The following CCDC171 variants were observed in gnomAD, a reference collection of about 807,000 sequenced individuals.
The protein encoded by CCDC171 is coiled-coil domain-containing protein 171.
Under a neutral mutation model 168.2 loss-of-function variants are expected in CCDC171, and 177 were observed. The observed-to-expected ratio is 1.05, with a 90% confidence interval of 0.93 to 1.19. The LOEUF is 1.19. Among genes scored for constraint, CCDC171 ranks in the 50% most tolerant of loss-of-function variants. The pLI is 0.00. For missense variants in CCDC171, 1,991 were observed against 1,539.0 expected, an observed-to-expected ratio of 1.29 and a Z score of -4.91; for synonymous variants, 687 against 540.8, an observed-to-expected ratio of 1.27 and a Z score of -3.75.
In CCDC171 at chr9:15,607,566, A is replaced by G. The variant is rs190663839; in HGVS notation, c.675+13394A>G. On this transcript the variant is annotated intron_variant, in intron 6 of 25. Transcript: ENST00000380701. Reference sequence around the variant, plus strand: ...AACCTCTGCCTCCTGGGCTCAAGCAATCCTCCCACCTCAGCCTCCTGAGTA... The same window carrying G: ...AACCTCTGCCTCCTGGGCTCAAGCAGTCCTCCCACCTCAGCCTCCTGAGTA... 3.0e-4 allele frequency among the ~76,000 whole-genome samples: 45 copies of G among 152,070 alleles called. No homozygotes were observed. The East Asian group carries it at 6.0e-3, about 20-fold the overall frequency.
At chr9:15,977,957 T>G (rs1463290326), downstream of CCDC171, among the ~76,000 whole-genome samples, 1 of 152,200 alleles carries the variant, frequency 6.6e-6, no homozygotes, top group Non-Finnish European at 1.5e-5. Flanking sequence ...ACAGGCTATA[T>G]AATAGGACAT....
At chr9:15,907,665 A>C (rs1407414489) in intron 24 of CCDC171, among the ~76,000 whole-genome samples, 3 of 152,368 alleles carry the variant, frequency 2.0e-5, no homozygotes, top group Admixed American at 6.5e-5. Flanking sequence ...GATGGGATCT[A>C]ATTAAACTGA....
chr9:15,687,588 A>T (rs1024378557), intron 10 of CCDC171, among the ~76,000 whole-genome samples: 1 of 152,222 alleles, frequency 6.6e-6, no homozygotes, highest in East Asian at 1.9e-4. Context: ...GAAATCAGTG[A>T]AACCAAAAGT....
At chr9:15,780,067 A>G (rs769666756) in intron 20 of CCDC171, among the ~76,000 whole-genome samples, 1 of 152,228 alleles carries the variant, frequency 6.6e-6, no homozygotes, top group Admixed American at 6.5e-5. Flanking sequence ...TAACATTTGC[A>G]GTAACAGAGG....
At chr9:15,905,538 T>A (rs4666822) in intron 24 of CCDC171, among the ~76,000 whole-genome samples, 45,844 of 151,372 alleles carry the variant, frequency 0.3, 7,116 homozygotes, top group African/African-American at 0.35. Context: ...TAGAGGGAAG[T>A]TTATAGCATT....
intron 21 of CCDC171, among the ~76,000 whole-genome samples, chr9:15,838,527 T>G (rs2060544590): frequency 6.6e-6 from 1 of 152,218 alleles, no homozygotes; most frequent in African/African-American, 2.4e-5. Flanking sequence ...AAAGAACCCT[T>G]TCTTTAAAAA....
intron 6 of CCDC171, among the ~76,000 whole-genome samples, chr9:15,615,512 G>C (rs1434447236): frequency 6.6e-6 from 1 of 152,090 alleles, no homozygotes; most frequent in East Asian, 1.9e-4. Flanking sequence ...TCTAAATCTT[G>C]AAATACTCTT....
intron 25 of CCDC171, among the ~76,000 whole-genome samples, chr9:15,952,115 A>T (rs1829257788): frequency 6.6e-6 from 1 of 152,150 alleles, no homozygotes; most frequent in Non-Finnish European, 1.5e-5. Flanking sequence ...CAGTTCTCCT[A>T]GCACTGTTTG....
chr9:15,667,790 T>C (rs1312487592), intron 9 of CCDC171, among the ~76,000 whole-genome samples: 1 of 152,224 alleles, frequency 6.6e-6, no homozygotes, highest in Non-Finnish European at 1.5e-5. Context: ...ACTCTTAAAC[T>C]GTTTGTTTCT....
rs570806710 is a variant in CCDC171, at chr9:16,007,032, G to T, written n.369-13557G>T. Among the ~76,000 whole-genome samples the T allele has an allele frequency of 1.7e-3, 262 of 152,264 alleles. 3 individuals carry two copies. The highest frequency in any genetic ancestry group is 6.1e-3 in the African/African-American group (255 of 41,540). ...ACTGACTTCCACAATGGTTGAACTA[G>T]TTTACAGTCCCACCAACAGTGTAAA... On this transcript the variant is annotated intron_variant and non_coding_transcript_variant, in intron 3 of 9. Coordinates refer to the CCDC171 transcript ENST00000486641.
At chr9:15,802,675 G>A (rs149513262) in intron 21 of CCDC171, among the ~76,000 whole-genome samples, 1 of 152,280 alleles carries the variant, frequency 6.6e-6, no homozygotes, top group African/African-American at 2.4e-5. Context: ...CATTTGGGTT[G>A]ATTCCATGTC....
At chr9:15,667,807 A>G (rs901566044) in intron 9 of CCDC171, among the ~76,000 whole-genome samples, 13 of 152,186 alleles carry the variant, frequency 8.5e-5, no homozygotes, top group African/African-American at 2.7e-4. Context: ...TTCTTTAATT[A>G]ATAATGCTTA....
In CCDC171 at chr9:15,813,828, A is replaced by G. The variant is rs1345187768; in HGVS notation, c.3267+29134A>G. On this transcript the variant is annotated intron_variant, in intron 21 of 25. Transcript: ENST00000380701. ...TAAAATACTGTAGTTTTGAATAAGG[A>G]GGCCAAATGCCTTATGCAGCCATGT... Among the ~76,000 whole-genome samples the G allele has an allele frequency of 2.0e-5, 3 of 152,224 alleles. No homozygotes were observed. In the East Asian group the frequency reaches 5.8e-4, roughly 29 times the overall value.
intron 1 of CCDC171, among the ~76,000 whole-genome samples, chr9:16,057,465 G>C (rs1833859073): frequency 6.6e-6 from 1 of 152,060 alleles, no homozygotes; most frequent in South Asian, 2.1e-4. Context: ...TTGTTTTTTT[G>C]TTAGTGCTTC....
At chr9:16,059,619 A>T (rs1833900678) in intron 1 of CCDC171, among the ~76,000 whole-genome samples, 1 of 140,910 alleles carries the variant, frequency 7.1e-6, no homozygotes, top group South Asian at 2.2e-4. Flanking sequence ...GGTTCACGCC[A>T]TTCTCCTGCC....
rs1281581341 is a variant in CCDC171, at chr9:15,818,701, C to A, written c.3268-28001C>A. 5.9e-5 allele frequency among the ~76,000 whole-genome samples: 7 copies of A among 117,800 alleles called. 3 individuals carry two copies. The highest frequency in any genetic ancestry group is 2.2e-4 in the African/African-American group (7 of 31,300). The allele number at this position is 117,800 out of a possible 152,430, so 77.3% of individuals were successfully genotyped here. The stretch of plus-strand genomic sequence containing the variant: ...AGAAATATGGGACTATGTGGAAAGA[C>A]CACATCTACGTCTGATTGGTGTACC... On this transcript the variant is annotated intron_variant, in intron 21 of 25. Transcript: ENST00000380701.
rs762063287 is a variant in CCDC171 at position 15,779,019 on chromosome 9, C to T, written c.2950C>T (p.His984Tyr). Reference protein sequence around the residue: ...KQILGFTQRLHAAEVERRSLR... With the variant: ...KQILGFTQRLYAAEVERRSLR... Reference sequence around the variant, plus strand: ...AATACTTGGATTTACACAAAGACTGCATGCTGCAGAAGTGGAGCGCCGCTC... The same window carrying T: ...AATACTTGGATTTACACAAAGACTGTATGCTGCAGAAGTGGAGCGCCGCTC... Residue 984 changes from histidine to tyrosine, a missense_variant, in exon 20 of 26, where the codon CAT becomes TAT. By Grantham distance (83) the His-to-Tyr change is moderately conservative (BLOSUM62 2). Transcript: ENST00000380701. The T allele has an allele frequency of 4.4e-6, 7 of 1,588,656 alleles. No individual in the cohort carries two copies. In the Admixed American group the frequency reaches 1.3e-4, roughly 29 times the overall value.
At chr9:15,911,429 G>A (rs540868168) in intron 24 of CCDC171, among the ~76,000 whole-genome samples, 6 of 152,254 alleles carry the variant, frequency 3.9e-5, no homozygotes, top group African/African-American at 1.4e-4. Flanking sequence ...TAAGTCCCTT[G>A]TAGATTCTGG....
At chr9:16,016,317 G>A (rs1833014207) in intron 3 of CCDC171, among the ~76,000 whole-genome samples, 1 of 152,072 alleles carries the variant, frequency 6.6e-6, no homozygotes, top group South Asian at 2.1e-4. Context: ...AAGGGTTGTG[G>A]TGATTTACTT....
Sources: gnomAD v4.1 joint callset for allele counts (sites outside exome capture counted in the v4.1 genomes callset) on GRCh38, gnomAD v4.1.1 for gene constraint, MANE v1.5 for transcripts, NCBI Gene and HGNC (gene_info 2026-07-23, HGNC 2026-07-21) for gene names.